The following QKI variants were observed in gnomAD, a reference collection of about 807,000 sequenced individuals.
QKI encodes QKI, KH domain containing RNA binding.
Under a neutral mutation model 39.0 loss-of-function variants are expected in QKI, and 10 were observed. That is an observed-to-expected ratio of 0.26 (90% confidence interval 0.16 to 0.43). QKI has a LOEUF of 0.43. Ranked by LOEUF, QKI falls within the 20% of genes least tolerant of loss-of-function variation. QKI has a pLI of 1.00. For missense variants in QKI, 218 were observed against 428.0 expected (o/e 0.51, Z 4.33); for synonymous variants, 204 against 155.4 (o/e 1.31, Z -2.33).
chr6:163,566,504 G>A, intron 6 of QKI: 3 of 1,377,734 alleles, frequency 2.2e-6, no homozygotes, highest in Non-Finnish European at 2.8e-6. Flanking sequence ...GATACAATAG[G>A]TTAAGGCCCA....
At chr6:163,567,576 T>C in intron 7 of QKI, 1 of 983,516 alleles carries the variant, frequency 1.0e-6, no homozygotes. Flanking sequence ...TTTTCTCCTT[T>C]ACAACTTTTA....
chr6:163,445,703 C>T (rs1353938065), intron 1 of QKI, among the ~76,000 whole-genome samples: 1 of 151,820 alleles, frequency 6.6e-6, no homozygotes, highest in Non-Finnish European at 1.5e-5. Context: ...CAGGCTCCGC[C>T]TCCCGGGTTC....
chr6:163,460,677 C>T (rs1010673933), intron 2 of QKI, among the ~76,000 whole-genome samples: 10 of 152,100 alleles, frequency 6.6e-5, no homozygotes, highest in African/African-American at 2.4e-4. Context: ...GTTATCTTTC[C>T]TTAAAGTCTT....
rs1283438440 is a variant in QKI, at chr6:163,414,904, G to A, written c.-290G>A. ...CCCGCGCCCGCACTCGGCCAGCCGA[G>A]ACCCGCCTCCCGCCCGCCCGCCGGC... On this transcript the variant is annotated 5_prime_UTR_variant, in exon 1 of 8. Coordinates refer to ENST00000361752, the MANE Select transcript of QKI (RefSeq NM_006775.3). The A allele has an allele frequency of 1.4e-5, 2 of 147,138 alleles. No individual in the cohort carries two copies. Among genetic ancestry groups the A allele is most frequent in the East Asian group, 2.0e-4 (1 of 4,964 alleles). 9.1% of individuals were successfully genotyped at this position (147,138 alleles called of 1,614,324 possible).
intron 3 of QKI, among the ~76,000 whole-genome samples, chr6:163,534,580 T>C (rs997764965): frequency 6.6e-6 from 1 of 152,232 alleles, no homozygotes; most frequent in African/African-American, 2.4e-5. Flanking sequence ...ACCTTCTGTT[T>C]ACTTATAAGT....
chr6:163,550,066 C>G (rs1350013090), intron 4 of QKI, among the ~76,000 whole-genome samples: 1 of 152,144 alleles, frequency 6.6e-6, no homozygotes, highest in East Asian at 1.9e-4. Flanking sequence ...TTCAAACTCA[C>G]AGTGTCTTAG....
At chr6:163,504,873 C>T (rs1354920685) in intron 3 of QKI, among the ~76,000 whole-genome samples, 3 of 152,034 alleles carry the variant, frequency 2.0e-5, no homozygotes, top group African/African-American at 7.2e-5. Flanking sequence ...GGGACTTGCT[C>T]CTCTTCTTTT....
At chr6:163,504,120 A>G (rs1409437632) in intron 3 of QKI, among the ~76,000 whole-genome samples, 1 of 152,044 alleles carries the variant, frequency 6.6e-6, no homozygotes. Flanking sequence ...TCCCAGCACC[A>G]TTTATTGAAT....
chr6:163,511,441 G>A (rs1779471109), intron 3 of QKI, among the ~76,000 whole-genome samples: 1 of 151,876 alleles, frequency 6.6e-6, no homozygotes, highest in Admixed American at 6.6e-5. Flanking sequence ...AGTTAGTTAA[G>A]ATAAAGCTCT....
chr6:163,484,165 T>C (rs1445011649), intron 3 of QKI, among the ~76,000 whole-genome samples: 2 of 152,112 alleles, frequency 1.3e-5, no homozygotes, highest in East Asian at 1.9e-4. Context: ...GGCTTTGTTG[T>C]TCCAATTGTA....
intron 3 of QKI, among the ~76,000 whole-genome samples, chr6:163,497,324 T>A (rs1237152310): frequency 6.6e-6 from 1 of 152,178 alleles, no homozygotes; most frequent in Non-Finnish European, 1.5e-5. Context: ...GATTGGAAAT[T>A]TCGCTCTTTA....
chr6:163,573,757 C>T lies in QKI; in HGVS notation c.*3047C>T, dbSNP rs558090640. 6.6e-6 allele frequency: 1 copy of T among 152,238 alleles called. No homozygotes were observed. The highest frequency in any genetic ancestry group is 2.1e-4 in the South Asian group (1 of 4,822). The allele number at this position is 152,238 out of a possible 1,614,324, so 9.4% of individuals were successfully genotyped here. On this transcript the variant is annotated 3_prime_UTR_variant, in exon 8 of 8. Coordinates refer to ENST00000361752, the MANE Select transcript of QKI (RefSeq NM_006775.3). The stretch of plus-strand genomic sequence containing the variant: ...TTTGGTTCTTTGCTGTTTCTATTAA[C>T]CCACAGCATTATTTTAATAAATGTT...
chr6:163,525,286 T>G (rs1780424133), intron 3 of QKI, among the ~76,000 whole-genome samples: 1 of 144,258 alleles, frequency 6.9e-6, no homozygotes. Flanking sequence ...TTTTTTCCTG[T>G]TCTCTCTCTC....
chr6:163,489,053 A>T (rs1777879477), intron 3 of QKI, among the ~76,000 whole-genome samples: 1 of 146,740 alleles, frequency 6.8e-6, no homozygotes, highest in Admixed American at 6.9e-5. Context: ...CACTCTTCAT[A>T]GATTATTATA....
At chr6:163,467,957 C>G (rs756343667) in intron 2 of QKI, among the ~76,000 whole-genome samples, 1 of 152,090 alleles carries the variant, frequency 6.6e-6, no homozygotes, top group South Asian at 2.1e-4. Context: ...GGACTTAACT[C>G]CATTGTAAGT....
In QKI at chr6:163,573,329, T is replaced by C; in HGVS notation, c.*2619T>C. On this transcript the variant is annotated 3_prime_UTR_variant, in exon 8 of 8. Transcript: ENST00000361752. The stretch of plus-strand genomic sequence containing the variant: ...GTATTATGTAATTTTTTAGCGTGGG[T>C]AGATGGGAGTGTCGCTTGTATGTTA... 6.6e-6 allele frequency: 1 copy of C among 152,154 alleles called. No homozygotes were observed. The highest frequency in any genetic ancestry group is 1.9e-4 in the East Asian group (1 of 5,198). The allele number at this position is 152,154 out of a possible 1,614,324, so 9.4% of individuals were successfully genotyped here. A position where few individuals can be genotyped will look rare whatever the true frequency, so the allele number is the denominator to read the frequency against.
intron 1 of QKI, among the ~76,000 whole-genome samples, chr6:163,442,049 A>G (rs979540363): frequency 1.3e-5 from 2 of 152,138 alleles, no homozygotes; most frequent in Non-Finnish European, 2.9e-5. Flanking sequence ...GTTATTTGCC[A>G]TTTTCACCAC....
Position 163,455,028 on chromosome 6 carries a change from G to A in QKI, c.143-251G>A, listed in dbSNP as rs145260554. ...TATTATACCGGTTAGGAAGGAGCTCGGGCTTTGAAGTTAATTTAATAAGAT... is the reference window on the plus strand; with the variant it reads ...TATTATACCGGTTAGGAAGGAGCTCAGGCTTTGAAGTTAATTTAATAAGAT... On this transcript the variant is annotated intron_variant, in intron 1 of 7. Transcript: ENST00000361752. 5.6e-3 allele frequency among the ~76,000 whole-genome samples: 855 copies of A among 152,186 alleles called. 3 individuals carry two copies. Among genetic ancestry groups the A allele is most frequent in the African/African-American group, 0.02 (818 of 41,516 alleles).
chr6:163,457,663 A>C, intron 2 of QKI: 1 of 327,882 alleles, frequency 3.0e-6, no homozygotes, highest in South Asian at 2.4e-5. Flanking sequence ...GAGAGGGGAC[A>C]GGGTCAGCCA....
Sources: allele counts gnomAD v4.1 joint callset (sites outside exome capture counted in the v4.1 genomes callset), GRCh38; gene constraint gnomAD v4.1.1; transcripts MANE v1.5; gene names NCBI Gene and HGNC (gene_info 2026-07-23, HGNC 2026-07-21).